The following BRIP1 variants were observed in gnomAD, a reference collection of about 807,000 sequenced individuals.
BRIP1 encodes the protein BRCA1 interacting DNA helicase 1, also known as Fanconi anemia group J protein.
BRIP1 carries 88 observed loss-of-function variants against 119.7 expected under a neutral mutation model. The ratio of observed to expected loss-of-function variants is 0.74; its 90% CI spans 0.62 to 0.88. The LOEUF is 0.88. BRIP1 is among the 40% of genes least tolerant of loss of function. The pLI is 0.00. For missense variants in BRIP1, 1,259 were observed against 1,455.4 expected (o/e 0.87, Z 2.20); for synonymous variants, 443 against 496.5 (o/e 0.89, Z 1.43).
rs760127237 is a variant in BRIP1, at chr17:61,715,966, T to C, written c.2477A>G (p.Asn826Ser). ...WYEIQAYRAL[N>S]QALGRCIRHR... ...CTCCACTTACCTACCAAGGGCCTGG[T>C]TTAAGGCCCTGTATGCTTGAATTTC... Residue 826 changes from asparagine to serine, a missense_variant, in exon 17 of 20, where the codon AAC becomes AGC. Around this residue, in one of 3 missense-constraint regions of BRIP1, gnomAD observed 753 missense variants for 891.8 expected, o/e 0.84. Coordinates refer to ENST00000259008, the MANE Select transcript of BRIP1 (RefSeq NM_032043.3). 9 of 1,600,440 alleles carry C rather than the reference T, an allele frequency of 5.6e-6. No individual in the cohort carries two copies. The highest frequency in any genetic ancestry group is 7.7e-6 in the Non-Finnish European group (9 of 1,169,154).
At chr17:61,826,754 A>C (rs1043046697) in intron 6 of BRIP1, among the ~76,000 whole-genome samples, 1 of 149,380 alleles carries the variant, frequency 6.7e-6, no homozygotes, top group Non-Finnish European at 1.5e-5. Flanking sequence ...AAAAAAAAAA[A>C]AAACAGATGC....
At position 61,685,955 on chromosome 17, in the gene BRIP1, A is replaced by G. The variant is rs772087074; in HGVS notation, c.2786T>C (p.Leu929Pro). 1 of 1,614,074 alleles carries G rather than the reference A, an allele frequency of 6.2e-7. No homozygotes were observed. Among genetic ancestry groups the G allele is most frequent in the Non-Finnish European group, 8.5e-7 (1 of 1,179,944 alleles). ...ATCTTCCACAAAATTTTCTGGTGAT[A>G]GATGACTTGCTGCTTCCAGTAAATA... is the stretch of plus-strand genomic sequence containing the variant. ...SPYLLEAASH[L>P]SPENFVEDEA... The change falls in exon 19 of 20, where the codon CTA becomes CCA. Residue 929 changes from leucine to proline, a missense_variant. Leu to Pro is a moderately conservative substitution (Grantham distance 98). Around this residue, in one of 3 missense-constraint regions of BRIP1, gnomAD observed 753 missense variants for 891.8 expected, o/e 0.84. Transcript: ENST00000259008.
rs537136174 is a variant in BRIP1, at chr17:61,856,552, T to A, written c.379+506A>T. Reference sequence around the variant, plus strand: ...AGCCAAAAGCAGGTGAAATATTTTTTAAATATATTATTAATAATCTTATGT... The same window carrying A: ...AGCCAAAAGCAGGTGAAATATTTTTAAAATATATTATTAATAATCTTATGT... On this transcript the variant is annotated intron_variant, in intron 4 of 19. Transcript: ENST00000259008. The surrounding 1 kb of genome is among the most constrained non-coding windows in gnomAD (Gnocchi z 5.1). Among the ~76,000 whole-genome samples the A allele has an allele frequency of 6.6e-6, 1 of 152,124 alleles. No individual in the cohort carries two copies. Among genetic ancestry groups the A allele is most frequent in the Non-Finnish European group, 1.5e-5 (1 of 68,020 alleles).
At position 61,744,235 on chromosome 17, in the gene BRIP1, G is replaced by A. The variant is rs886418418; in HGVS notation, c.2257+197C>T. Among the ~76,000 whole-genome samples, 1 of 152,030 alleles carries A rather than the reference G, an allele frequency of 6.6e-6. No homozygotes were observed. Among genetic ancestry groups the A allele is most frequent in the Non-Finnish European group, 1.5e-5 (1 of 67,996 alleles). ...CATCGTTTTTCTTAAAGTTGAATCA[G>A]CATACTCAAGTGAAAATATTCATAG... On this transcript the variant is annotated intron_variant, in intron 15 of 19. Transcript: ENST00000259008. The surrounding 1 kb of genome is among the most constrained non-coding windows in gnomAD (Gnocchi z 5.0).
rs2077085402 is a variant in BRIP1, at chr17:61,748,278, G to A, written c.2098-3687C>T. Among the ~76,000 whole-genome samples the A allele has an allele frequency of 6.6e-6, 1 of 152,156 alleles. No individual in the cohort carries two copies. Among genetic ancestry groups the A allele is most frequent in the African/African-American group, 2.4e-5 (1 of 41,432 alleles). On this transcript the variant is annotated intron_variant, in intron 14 of 19. Coordinates refer to ENST00000259008, the MANE Select transcript of BRIP1 (RefSeq NM_032043.3). This position sits in a 1 kb window ranked among gnomAD's most constrained non-coding sequence, Gnocchi z 4.7. ...AGAATCTAATGCCTGATGATCTGAG[G>A]TGGAACAGTTTCATCCCGAAACCAT...
At chr17:61,836,099 G>A (rs940195335) in intron 6 of BRIP1, among the ~76,000 whole-genome samples, 3 of 131,284 alleles carry the variant, frequency 2.3e-5, no homozygotes, top group Non-Finnish European at 4.8e-5. Flanking sequence ...TTCAAAAAAT[G>A]TTATTACTCT....
At chr17:61,835,237 T>G (rs1032251549) in intron 6 of BRIP1, among the ~76,000 whole-genome samples, 1 of 152,316 alleles carries the variant, frequency 6.6e-6, no homozygotes, top group African/African-American at 2.4e-5. Flanking sequence ...ATGGACATCT[T>G]GACCTGATGT....
intron 3 of BRIP1, 86 bp downstream of exon 3, chr17:61,859,710 T>A: frequency 1.2e-6 from 1 of 864,576 alleles, no homozygotes; most frequent in Admixed American, 1.8e-5. Flanking sequence ...AGCGACAGCA[T>A]GGCTGAACCA....
intron 6 of BRIP1, among the ~76,000 whole-genome samples, chr17:61,840,075 T>C (rs1567861553): frequency 1.3e-5 from 2 of 152,156 alleles, no homozygotes; most frequent in Admixed American, 1.3e-4. Flanking sequence ...AAAAGAATTT[T>C]TGGCCAGGTT....
At chr17:61,801,152 A>T in intron 8 of BRIP1, 101 bp downstream of exon 8, 1 of 1,027,254 alleles carries the variant, frequency 9.7e-7, no homozygotes, top group Non-Finnish European at 1.4e-6. Context: ...TTATTTACAT[A>T]AATTAAAGCA....
In BRIP1 at chr17:61,793,385, T is replaced by C. The variant is rs1210964253; in HGVS notation, c.1473+212A>G. 3.9e-5 allele frequency among the ~76,000 whole-genome samples: 6 copies of C among 152,140 alleles called. No homozygotes were observed. Among genetic ancestry groups the C allele is most frequent in the African/African-American group, 1.4e-4 (6 of 41,446 alleles). ...AGCAATTAATCCCTTTAAAGACTAA[T>C]TTCCTTCAAACTAAATAATGCTATA... On this transcript the variant is annotated intron_variant, in intron 10 of 19. Transcript: ENST00000259008. The surrounding 1 kb of genome is among the most constrained non-coding windows in gnomAD (Gnocchi z 5.2).
Position 61,753,797 on chromosome 17 carries a change from A to C in BRIP1, c.2098-9206T>G, listed in dbSNP as rs114903829. ...AGAACAACAACAACAACAACAACAA[A>C]AAACCAGAGAGGGTCTTGCTGTGTT... On this transcript the variant is annotated intron_variant, in intron 14 of 19. Coordinates refer to ENST00000259008, the MANE Select transcript of BRIP1 (RefSeq NM_032043.3). The surrounding 1 kb of genome is among the most constrained non-coding windows in gnomAD (Gnocchi z 4.6). 5.5e-3 allele frequency among the ~76,000 whole-genome samples: 829 copies of C among 151,948 alleles called. 7 individuals are homozygous for C. The highest frequency in any genetic ancestry group is 0.018 in the African/African-American group (744 of 41,450).
intron 6 of BRIP1, among the ~76,000 whole-genome samples, chr17:61,837,875 C>A (rs566196576): frequency 1.3e-5 from 2 of 152,002 alleles, no homozygotes; most frequent in South Asian, 4.2e-4. Context: ...CACTATCTTC[C>A]GACTTGAAAA....
In BRIP1 at chr17:61,823,796, A is replaced by ACACACACACACACACACACC. The variant is rs371160215; in HGVS notation, c.628-15040_628-15039insGGTGTGTGTGTGTGTGTGTG. Among the ~76,000 whole-genome samples, 11 of 148,936 alleles carry ACACACACACACACACACACC rather than the reference A, an allele frequency of 7.4e-5. No individual in the cohort carries two copies. The highest frequency in any genetic ancestry group is 2.7e-4 in the African/African-American group (11 of 40,028). On this transcript the variant is annotated intron_variant, in intron 6 of 19. Coordinates refer to ENST00000259008, the MANE Select transcript of BRIP1 (RefSeq NM_032043.3). This position sits in a 1 kb window ranked among gnomAD's most constrained non-coding sequence, Gnocchi z 4.8. ...CACACACACACACACACACACACACACCTTAGTTGAATTGCTGAAAGCAGA... is the reference window on the plus strand; with the variant it reads ...CACACACACACACACACACACACACACACACACACACACACACACCCCTTAGTTGAATTGCTGAAAGCAGA...
chr17:61,794,045 T>A lies in BRIP1; in HGVS notation c.1341-316A>T, dbSNP rs2077862487. On this transcript the variant is annotated intron_variant, in intron 9 of 19. Transcript: ENST00000259008. This position sits in a 1 kb window ranked among gnomAD's most constrained non-coding sequence, Gnocchi z 4.3. The stretch of plus-strand genomic sequence containing the variant: ...CTGAGAGCCAGGTCTTAGGTACTTA[T>A]CCCAAATATATATAAAAGGAAATGC... 6.6e-6 allele frequency among the ~76,000 whole-genome samples: 1 copy of A among 152,098 alleles called. No individual in the cohort carries two copies. The highest frequency in any genetic ancestry group is 2.4e-5 in the African/African-American group (1 of 41,422).
In BRIP1 at chr17:61,846,930, A is replaced by G. The variant is rs1359713817; in HGVS notation, c.627+171T>C. Among the ~76,000 whole-genome samples, 1 of 152,240 alleles carries G rather than the reference A, an allele frequency of 6.6e-6. No individual in the cohort carries two copies. The highest frequency in any genetic ancestry group is 6.5e-5 in the Admixed American group (1 of 15,282). On this transcript the variant is annotated intron_variant, in intron 6 of 19. Transcript: ENST00000259008. This position sits in a 1 kb window ranked among gnomAD's most constrained non-coding sequence, Gnocchi z 4.3. ...AATAAGGAAACGAGGCATAGAGAGA[A>G]TAGGCTTTGCCATCTCACACATTAG...
In BRIP1 at chr17:61,746,999, CA is replaced by C. The variant is rs1287107681; in HGVS notation, c.2098-2409del. On this transcript the variant is annotated intron_variant, in intron 14 of 19. Transcript: ENST00000259008. This position sits in a 1 kb window ranked among gnomAD's most constrained non-coding sequence, Gnocchi z 4.9. ...TACCAGGTATCTTTTGCAACCACAA[CA>C]GAATCAAACTAAAATTCAGTATCAG... is the stretch of plus-strand genomic sequence containing the variant. Among the ~76,000 whole-genome samples the C allele has an allele frequency of 6.6e-6, 1 of 152,022 alleles. No individual in the cohort carries two copies. The highest frequency in any genetic ancestry group is 2.4e-5 in the African/African-American group (1 of 41,412).
chr17:61,828,635 A>G lies in BRIP1; in HGVS notation c.627+18466T>C, dbSNP rs962007598. Among the ~76,000 whole-genome samples the G allele has an allele frequency of 2.0e-5, 3 of 152,214 alleles. No homozygotes were observed. Among genetic ancestry groups the G allele is most frequent in the African/African-American group, 7.2e-5 (3 of 41,468 alleles). On this transcript the variant is annotated intron_variant, in intron 6 of 19. Coordinates refer to ENST00000259008, the MANE Select transcript of BRIP1 (RefSeq NM_032043.3). This position sits in a 1 kb window ranked among gnomAD's most constrained non-coding sequence, Gnocchi z 4.1. ...TGCAAATGTTAAATAAAGCTCTTTAAGCTAATAGAAAAGTTACACAATACA... is the reference window on the plus strand; with the variant it reads ...TGCAAATGTTAAATAAAGCTCTTTAGGCTAATAGAAAAGTTACACAATACA...
chr17:61,781,920 CAAAAA>C (rs10710869), intron 11 of BRIP1, among the ~76,000 whole-genome samples: 1 of 128,790 alleles, frequency 7.8e-6, no homozygotes, highest in Non-Finnish European at 1.7e-5. Context: ...GACTCCATCT[CAAAAA>C]AAAAAAAAAA....
Sources: allele counts gnomAD v4.1 joint callset (sites outside exome capture counted in the v4.1 genomes callset), GRCh38; gene constraint gnomAD v4.1.1; regional missense constraint gnomAD v4.1.1; non-coding constraint Gnocchi (gnomAD v3.1); transcripts MANE v1.5; gene names NCBI Gene and HGNC (gene_info 2026-07-23, HGNC 2026-07-21).